SRGAP2C: variants seen among roughly 807,000 people sequenced by gnomAD.
SRGAP2C encodes SLIT-ROBO Rho GTPase-activating protein 2C.
A neutral mutation model predicts 25.1 loss-of-function variants in SRGAP2C; 15 were observed. That is an observed-to-expected ratio of 0.60 (90% confidence interval 0.40 to 0.92). The LOEUF (loss-of-function observed/expected upper bound fraction) is 0.92. Ranked by LOEUF, SRGAP2C falls within the 40% of genes least tolerant of loss-of-function variation. The probability of loss-of-function intolerance (pLI) is 0.00; values close to 1 mark genes in which losing one functional copy is unlikely to be tolerated. For synonymous variants in SRGAP2C, 44 were observed against 96.6 expected (o/e 0.46, Z 3.19); for missense variants, 144 against 264.4 (o/e 0.54, Z 3.16).
At chr1:121,225,823 G>A (rs1193028496) in intron 2 of SRGAP2C, among the ~76,000 whole-genome samples, 1 of 142,636 alleles carries the variant, frequency 7.0e-6, no homozygotes, top group East Asian at 2.1e-4. Context: ...TCCTGCCTCA[G>A]CCTCCCGAGT....
chr1:121,348,548 A>G (rs1553344721), intron 4 of SRGAP2C, among the ~76,000 whole-genome samples: 1 of 151,730 alleles, frequency 6.6e-6, no homozygotes, highest in African/African-American at 2.4e-5. Context: ...TCTGCAGTAT[A>G]TATCTGATGA....
At chr1:121,235,396 G>A (rs1214647823) in intron 2 of SRGAP2C, among the ~76,000 whole-genome samples, 213 of 73,476 alleles carry the variant, frequency 2.9e-3, no homozygotes, top group African/African-American at 0.014. Flanking sequence ...TCTATAGGTA[G>A]CCTCAGATCT....
chr1:121,268,431 C>A (rs1656859496), intron 2 of SRGAP2C, among the ~76,000 whole-genome samples: 1 of 151,820 alleles, frequency 6.6e-6, no homozygotes, highest in Non-Finnish European at 1.5e-5. Flanking sequence ...TACCTTTTCT[C>A]CACTGGGAAG....
At chr1:121,365,983 C>A (rs587645890) in intron 5 of SRGAP2C, among the ~76,000 whole-genome samples, 1 of 144,824 alleles carries the variant, frequency 6.9e-6, no homozygotes, top group Admixed American at 7.0e-5. Flanking sequence ...CACATGATGC[C>A]TGTGGCTGGT....
intron 4 of SRGAP2C, among the ~76,000 whole-genome samples, chr1:121,359,986 AAT>A (rs1659152613): frequency 6.6e-6 from 1 of 152,000 alleles, no homozygotes; most frequent in African/African-American, 2.4e-5. Context: ...AAGGATTGTA[AAT>A]GCACCAATCA....
Position 121,392,598 on chromosome 1 carries a change from CT to C in SRGAP2C, c.*4747del, listed in dbSNP as rs1367877081. 1.5e-5 allele frequency: 2 copies of C among 136,872 alleles called. No homozygotes were observed. The highest frequency in any genetic ancestry group is 1.5e-4 in the Admixed American group (2 of 13,128). 8.5% of individuals were successfully genotyped at this position (136,872 alleles called of 1,614,324 possible). A position where few individuals can be genotyped will look rare whatever the true frequency, so the allele number is the denominator to read the frequency against. Reference sequence around the variant, plus strand: ...TCATTGCTGTATTAATTTTCTGATGCTTTTAAGGATGTTTTATAACAAATTG... The same window carrying C: ...TCATTGCTGTATTAATTTTCTGATGCTTTAAGGATGTTTTATAACAAATTG... On this transcript the variant is annotated 3_prime_UTR_variant, in exon 10 of 10. Coordinates refer to ENST00000367123, the MANE Select transcript of SRGAP2C (RefSeq NM_001329984.2).
At chr1:121,317,940 A>G (rs1658126513) in intron 3 of SRGAP2C, among the ~76,000 whole-genome samples, 1 of 80,872 alleles carries the variant, frequency 1.2e-5, no homozygotes, top group South Asian at 3.2e-4. Context: ...TGTAGACTAT[A>G]TTATTTTTGC....
At chr1:121,198,295 T>TG (rs1408806993) in intron 2 of SRGAP2C, among the ~76,000 whole-genome samples, 65 of 150,240 alleles carry the variant, frequency 4.3e-4, no homozygotes, top group African/African-American at 1.6e-3. Context: ...TTTTTTTTTG[T>TG]TTGTTTGTTT....
intron 4 of SRGAP2C, among the ~76,000 whole-genome samples, chr1:121,337,658 T>TAAATAAAA: frequency 7.4e-6 from 1 of 134,284 alleles, no homozygotes; most frequent in African/African-American, 2.7e-5. Flanking sequence ...AATAAATAAA[T>TAAATAAAA]AAAATAAAAA....
At position 121,315,038 on chromosome 1, in the gene SRGAP2C, A is replaced by G. The variant is rs1288308086; in HGVS notation, c.261-9440A>G. ...CTGTTATCTTCAGCTTCTTCAAGGT[A>G]TCACTGAGATTATCCATGTTGCTCC... On this transcript the variant is annotated intron_variant, in intron 3 of 9. Transcript: ENST00000367123. 3.7e-5 allele frequency: 36 copies of G among 980,374 alleles called. 4 individuals carry two copies. Among genetic ancestry groups the G allele is most frequent in the East Asian group, 3.4e-4 (10 of 29,360 alleles). 60.7% of individuals were successfully genotyped at this position (980,374 alleles called of 1,614,324 possible).
rs782742426 is a variant in SRGAP2C, at chr1:121,374,871, C to G, written c.748C>G (p.Gln250Glu). Reference sequence around the variant, plus strand: ...GAATAAGCTGAAGGCCATCAAAGCCCAGAATGAGTACTTGCTGGCTTTGGA... The same window carrying G: ...GAATAAGCTGAAGGCCATCAAAGCCGAGAATGAGTACTTGCTGGCTTTGGA... ...TENKLKAIKAQNEYLLALEAT... is the reference protein window; with the variant it reads ...TENKLKAIKAENEYLLALEAT... Residue 250 changes from glutamine to glutamate, a missense_variant, in exon 7 of 10, where the codon CAG becomes GAG. By Grantham distance (29) the Gln-to-Glu change is conservative (BLOSUM62 2). Transcript: ENST00000367123. The G allele has an allele frequency of 7.7e-6, 6 of 779,358 alleles. No individual in the cohort carries two copies. The highest frequency in any genetic ancestry group is 1.4e-5 in the Non-Finnish European group (6 of 417,382). 48.3% of individuals were successfully genotyped at this position (779,358 alleles called of 1,614,324 possible). A position where few individuals can be genotyped will look rare whatever the true frequency, so the allele number is the denominator to read the frequency against.
Position 121,254,394 on chromosome 1 carries a change from A to G in SRGAP2C, c.68-30409A>G. On this transcript the variant is annotated intron_variant, in intron 2 of 9. Transcript: ENST00000367123. ...AGGTACCCCCAGACCATTGCGTTAA[A>G]GCGTTCAGGATAGTGCTCTGCTGAT... Among the ~76,000 whole-genome samples the G allele has an allele frequency of 3.1e-5, 2 of 65,438 alleles. 1 individual carries two copies. The allele number at this position is 65,438 out of a possible 152,430, so 42.9% of individuals were successfully genotyped here. A position where few individuals can be genotyped will look rare whatever the true frequency, so the allele number is the denominator to read the frequency against.
intron 2 of SRGAP2C, among the ~76,000 whole-genome samples, chr1:121,249,573 TATA>T (rs1321109083): frequency 5.8e-4 from 11 of 19,108 alleles, no homozygotes; most frequent in Admixed American, 3.9e-3. Flanking sequence ...TATATATATA[TATA>T]TATATTTTTT....
chr1:121,383,385 G>A (rs1659879945), intron 8 of SRGAP2C, among the ~76,000 whole-genome samples: 1 of 152,054 alleles, frequency 6.6e-6, no homozygotes, highest in South Asian at 2.1e-4. Flanking sequence ...TAGTGGGGAA[G>A]CGAGGGCTAG....
intron 2 of SRGAP2C, among the ~76,000 whole-genome samples, chr1:121,228,645 T>C (rs1243881111): frequency 6.6e-6 from 1 of 151,666 alleles, no homozygotes; most frequent in Admixed American, 6.6e-5. Flanking sequence ...CTTCTACTAC[T>C]TCATACCTTG....
intron 4 of SRGAP2C, among the ~76,000 whole-genome samples, chr1:121,335,106 A>T (rs1658482654): frequency 6.8e-6 from 1 of 147,888 alleles, no homozygotes; most frequent in Non-Finnish European, 1.5e-5. Flanking sequence ...CAGCCTGGCC[A>T]ACATGGTGAA....
chr1:121,236,015 C>T (rs1168908963), intron 2 of SRGAP2C, among the ~76,000 whole-genome samples: 2 of 136,208 alleles, frequency 1.5e-5, no homozygotes, highest in Admixed American at 7.5e-5. Flanking sequence ...AAGTTGACTC[C>T]CATGGCCTTT....
chr1:121,228,627 T>C (rs1248650674), intron 2 of SRGAP2C, among the ~76,000 whole-genome samples: 1 of 151,372 alleles, frequency 6.6e-6, no homozygotes, highest in African/African-American at 2.4e-5. Context: ...GGGTTCATGA[T>C]CACGAACCTT....
intron 2 of SRGAP2C, among the ~76,000 whole-genome samples, chr1:121,278,155 C>T (rs1657154331): frequency 6.6e-6 from 1 of 151,892 alleles, no homozygotes; most frequent in Non-Finnish European, 1.5e-5. Context: ...CCATGTTGCC[C>T]AGGCTCGTCT....
Sources: gnomAD v4.1 joint callset for allele counts (sites outside exome capture counted in the v4.1 genomes callset) on GRCh38, gnomAD v4.1.1 for gene constraint, MANE v1.5 for transcripts, NCBI Gene and HGNC (gene_info 2026-07-23, HGNC 2026-07-21) for gene names.